CDH4: variants seen among roughly 807,000 people sequenced by gnomAD.
CDH4 encodes the protein cadherin-4.
Under a neutral mutation model 86.0 loss-of-function variants are expected in CDH4, and 33 were observed. The ratio of observed to expected loss-of-function variants is 0.38; its 90% CI spans 0.29 to 0.51. The LOEUF (loss-of-function observed/expected upper bound fraction) is 0.51, where lower values mean the gene tolerates loss of function less well. Among genes scored for constraint, CDH4 ranks in the 20% least tolerant of loss-of-function variants. The probability of loss-of-function intolerance (pLI) is 0.86; values close to 1 mark genes in which losing one functional copy is unlikely to be tolerated. For synonymous variants in CDH4, 555 were observed against 549.4 expected, an observed-to-expected ratio of 1.01 and a Z score of -0.14; for missense variants, 1,114 against 1,307.4, an observed-to-expected ratio of 0.85 and a Z score of 2.28.
intron 2 of CDH4, among the ~76,000 whole-genome samples, chr20:61,647,562 TCCCTCTCCCTCCCTCCCCCTCTC>T: frequency 2.0e-5 from 2 of 100,246 alleles, no homozygotes; most frequent in African/African-American, 3.8e-5. Context: ...CCTCTCCCTC[TCCCTCTCCCTCCCTCCCCCTCTC>T]CTCTCTCTCC....
intron 2 of CDH4, among the ~76,000 whole-genome samples, chr20:61,702,306 G>C (rs765683653): frequency 1.3e-5 from 2 of 152,136 alleles, no homozygotes; most frequent in African/African-American, 2.4e-5. Context: ...CCCATTTCTC[G>C]ATCCTTGTGG....
At chr20:61,453,774 CTTGAA>C (rs1387320460) in intron 2 of CDH4, among the ~76,000 whole-genome samples, 1 of 152,190 alleles carries the variant, frequency 6.6e-6, no homozygotes, top group Non-Finnish European at 1.5e-5. Flanking sequence ...CAAATCTCAT[CTTGAA>C]TTGTAGTTCC....
chr20:61,530,842 C>T (rs1213625839), intron 2 of CDH4, among the ~76,000 whole-genome samples: 1 of 152,114 alleles, frequency 6.6e-6, no homozygotes, highest in Non-Finnish European at 1.5e-5. Context: ...CTCTTGCAGC[C>T]TTCTTCACTG....
At chr20:61,452,417 T>G (rs2085385994) in intron 2 of CDH4, among the ~76,000 whole-genome samples, 1 of 152,136 alleles carries the variant, frequency 6.6e-6, no homozygotes, top group South Asian at 2.1e-4. Flanking sequence ...CTAATCCTAG[T>G]GGGAATTTAT....
chr20:61,846,285 C>A (rs1233252669), intron 5 of CDH4, among the ~76,000 whole-genome samples: 1 of 152,194 alleles, frequency 6.6e-6, no homozygotes, highest in African/African-American at 2.4e-5. Flanking sequence ...TGTGCTGGGC[C>A]CCCCAGGAGT....
At chr20:61,304,064 A>G (rs1457959831) in intron 2 of CDH4, among the ~76,000 whole-genome samples, 1 of 152,050 alleles carries the variant, frequency 6.6e-6, no homozygotes, top group African/African-American at 2.4e-5. Context: ...CCCCAGTTCT[A>G]TGGGACCCTC....
chr20:61,466,747 ACGCTGAGG>A (rs1459647637), intron 2 of CDH4, among the ~76,000 whole-genome samples: 1 of 152,094 alleles, frequency 6.6e-6, no homozygotes, highest in African/African-American at 2.4e-5. Flanking sequence ...GCTAATCAGG[ACGCTGAGG>A]CGGGAGGATC....
intron 2 of CDH4, among the ~76,000 whole-genome samples, chr20:61,445,852 T>C (rs2085347094): frequency 6.6e-6 from 1 of 152,202 alleles, no homozygotes; most frequent in Admixed American, 6.5e-5. Context: ...GAGGGAGGGT[T>C]CCCAGCCCAT....
intron 2 of CDH4, among the ~76,000 whole-genome samples, chr20:61,512,699 C>T (rs1375653783): frequency 6.6e-6 from 1 of 152,250 alleles, no homozygotes; most frequent in African/African-American, 2.4e-5. Context: ...TCTCATTTCT[C>T]AGTGGTGCCT....
chr20:61,606,538 T>G (rs2086647012), intron 2 of CDH4, among the ~76,000 whole-genome samples: 1 of 152,180 alleles, frequency 6.6e-6, no homozygotes, highest in African/African-American at 2.4e-5. Context: ...GAGGTCCCTC[T>G]CCCTCTCCCA....
intron 5 of CDH4, among the ~76,000 whole-genome samples, chr20:61,851,107 C>T (rs1328136682): frequency 2.0e-5 from 3 of 152,210 alleles, no homozygotes; most frequent in Admixed American, 6.5e-5. Flanking sequence ...CTGCCCGCGA[C>T]GGGGCGGGGA....
At chr20:61,651,516 G>A (rs1469475955) in intron 2 of CDH4, among the ~76,000 whole-genome samples, 8 of 152,154 alleles carry the variant, frequency 5.3e-5, no homozygotes, top group East Asian at 1.9e-4. Context: ...GTCAGCCCCC[G>A]CCTGGAGGCC....
intron 2 of CDH4, among the ~76,000 whole-genome samples, chr20:61,731,063 G>GGTCTGGAGTTCAGGAGAAGGATCTGC (rs2088176078): frequency 6.6e-6 from 1 of 152,042 alleles, no homozygotes; most frequent in African/African-American, 2.4e-5. Context: ...CTCACCCTGG[G>GGTCTGGAGTTCAGGAGAAGGATCTGC]GTCTGGAGTT....
chr20:61,291,187 C>T (rs1382393441), intron 2 of CDH4, among the ~76,000 whole-genome samples: 1 of 152,202 alleles, frequency 6.6e-6, no homozygotes, highest in Non-Finnish European at 1.5e-5. Context: ...GCCTGACTCA[C>T]ACCTTGTAGT....
intron 2 of CDH4, among the ~76,000 whole-genome samples, chr20:61,697,602 C>A (rs566976645): frequency 6.6e-6 from 1 of 152,004 alleles, no homozygotes; most frequent in Non-Finnish European, 1.5e-5. Flanking sequence ...CATCTCGGGG[C>A]GGGGGGAACA....
chr20:61,285,181 A>G (rs1005825760), intron 2 of CDH4, among the ~76,000 whole-genome samples: 3 of 152,152 alleles, frequency 2.0e-5, no homozygotes, highest in Non-Finnish European at 2.9e-5. Flanking sequence ...TCCTAGTGGC[A>G]TTATAAAGTT....
At chr20:61,928,517 G>A (rs1211305119) in intron 12 of CDH4, 94 bp downstream of exon 12, 3 of 1,016,422 alleles carry the variant, frequency 3.0e-6, no homozygotes, top group Non-Finnish European at 4.5e-6. Context: ...GGCACCAGAG[G>A]TGGGTGACAG....
At chr20:61,514,315 G>GCC (rs1265189755) in intron 2 of CDH4, among the ~76,000 whole-genome samples, 30 of 118,192 alleles carry the variant, frequency 2.5e-4, no homozygotes, top group African/African-American at 9.1e-4. Context: ...CGCCCCCCCC[G>GCC]CCCCCCCCCA....
chr20:61,933,702 A>G (rs2055142443), intron 14 of CDH4, among the ~76,000 whole-genome samples: 1 of 146,604 alleles, frequency 6.8e-6, no homozygotes, highest in Admixed American at 6.7e-5. Context: ...CAACACGACC[A>G]TAACGAATGT....
Sources: gnomAD v4.1 joint callset for allele counts (sites outside exome capture counted in the v4.1 genomes callset) on GRCh38, gnomAD v4.1.1 for gene constraint, MANE v1.5 for transcripts, NCBI Gene and HGNC (gene_info 2026-07-23, HGNC 2026-07-21) for gene names.